PPP2R5C: variants seen among roughly 807,000 people sequenced by gnomAD.
The protein encoded by PPP2R5C is serine/threonine-protein phosphatase 2A 56 kDa regulatory subunit gamma isoform.
Under a neutral mutation model 68.9 loss-of-function variants are expected in PPP2R5C, and 7 were observed. The ratio of observed to expected loss-of-function variants is 0.10; its 90% CI spans 0.06 to 0.19. The LOEUF (loss-of-function observed/expected upper bound fraction) is 0.19, where lower values mean the gene tolerates loss of function less well. PPP2R5C is among the 10% of genes least tolerant of loss of function. The pLI, the probability that PPP2R5C is intolerant of heterozygous loss-of-function variation, is 1.00. For synonymous variants in PPP2R5C, 210 were observed against 222.2 expected, an observed-to-expected ratio of 0.95 and a Z score of 0.49; for missense variants, 348 against 641.3, an observed-to-expected ratio of 0.54 and a Z score of 4.94.
At chr14:101,901,078 A>G (rs1266871048) in intron 8 of PPP2R5C, among the ~76,000 whole-genome samples, 1 of 152,246 alleles carries the variant, frequency 6.6e-6, no homozygotes, top group Non-Finnish European at 1.5e-5. Context: ...CTATGCATAC[A>G]GAAGTATGTG....
chr14:101,874,749 TTTTAA>T (rs1344668129), intron 2 of PPP2R5C, among the ~76,000 whole-genome samples: 1 of 152,194 alleles, frequency 6.6e-6, no homozygotes, highest in African/African-American at 2.4e-5. Flanking sequence ...TTTGTTTTTT[TTTTAA>T]TTTGAGACAG....
At chr14:101,858,735 T>TC (rs937596040) in intron 2 of PPP2R5C, among the ~76,000 whole-genome samples, 1 of 152,188 alleles carries the variant, frequency 6.6e-6, no homozygotes. Context: ...TGGAAGATTT[T>TC]CCTATGTTTA....
intron 2 of PPP2R5C, among the ~76,000 whole-genome samples, chr14:101,859,353 C>T (rs184941594): frequency 4.6e-5 from 7 of 152,204 alleles, no homozygotes; most frequent in African/African-American, 9.6e-5. Flanking sequence ...CCCACGTGGG[C>T]GGGAAGAAGG....
chr14:101,838,365 C>T (rs2041250859), intron 1 of PPP2R5C, among the ~76,000 whole-genome samples: 2 of 152,170 alleles, frequency 1.3e-5, no homozygotes. Flanking sequence ...AATTCACTTT[C>T]CATTCCTGAT....
chr14:101,860,556 A>G (rs1003715959), intron 2 of PPP2R5C, among the ~76,000 whole-genome samples: 3 of 152,178 alleles, frequency 2.0e-5, no homozygotes, highest in Non-Finnish European at 4.4e-5. Context: ...TATACCTAGG[A>G]GTAGAGTCGC....
intron 2 of PPP2R5C, among the ~76,000 whole-genome samples, chr14:101,869,587 G>A (rs545312754): frequency 1.2e-3 from 181 of 152,222 alleles, no homozygotes; most frequent in Admixed American, 1.6e-3. Context: ...TCAATATTTG[G>A]TGTCATCAGT....
chr14:101,810,340 A>G (rs755158306), intron 1 of PPP2R5C: 151 of 283,528 alleles, frequency 5.3e-4, no homozygotes, highest in Non-Finnish European at 8.3e-4. Context: ...GTCACTGCCC[A>G]GGGAAGGTAT....
chr14:101,804,686 A>G (rs1302515406), intron 3 of PPP2R5C, among the ~76,000 whole-genome samples: 1 of 152,120 alleles, frequency 6.6e-6, no homozygotes, highest in East Asian at 1.9e-4. Context: ...ACTCATGGAC[A>G]TAGAGAGTAG....
intron 10 of PPP2R5C, among the ~76,000 whole-genome samples, chr14:101,908,506 T>G (rs2046192060): frequency 6.6e-6 from 1 of 152,076 alleles, no homozygotes; most frequent in Non-Finnish European, 1.5e-5. Flanking sequence ...CCCAAGTAGC[T>G]GGGACTACAG....
At chr14:101,896,505 G>A (rs1339899654) in intron 8 of PPP2R5C, among the ~76,000 whole-genome samples, 1 of 151,648 alleles carries the variant, frequency 6.6e-6, no homozygotes, top group Non-Finnish European at 1.5e-5. Flanking sequence ...AGGCTGAGGC[G>A]GGTGAATCAC....
At chr14:101,815,148 C>T (rs1595237456) in intron 1 of PPP2R5C, among the ~76,000 whole-genome samples, 1 of 152,124 alleles carries the variant, frequency 6.6e-6, no homozygotes, top group East Asian at 1.9e-4. Flanking sequence ...CACTACCGCC[C>T]CTGCCTTTTT....
intron 10 of PPP2R5C, among the ~76,000 whole-genome samples, chr14:101,908,699 G>A (rs1054343242): frequency 1.3e-5 from 2 of 150,984 alleles, no homozygotes; most frequent in African/African-American, 2.4e-5. Context: ...TTTTTTAATC[G>A]CAACAATGAC....
chr14:101,853,802 C>T (rs949929073), intron 1 of PPP2R5C, among the ~76,000 whole-genome samples: 1 of 151,968 alleles, frequency 6.6e-6, no homozygotes, highest in Non-Finnish European at 1.5e-5. Context: ...GAGGATTTGG[C>T]GAGGACATGT....
chr14:101,783,837 C>G (rs879447250), intron 2 of PPP2R5C, among the ~76,000 whole-genome samples: 4 of 152,220 alleles, frequency 2.6e-5, no homozygotes, highest in African/African-American at 9.6e-5. Flanking sequence ...GGAACACGCA[C>G]GTATGTGACT....
intron 1 of PPP2R5C, among the ~76,000 whole-genome samples, chr14:101,828,374 G>A (rs2040529217): frequency 6.6e-6 from 1 of 152,142 alleles, no homozygotes; most frequent in East Asian, 1.9e-4. Context: ...TGTACTTGAA[G>A]TGGTTCATTG....
At chr14:101,827,729 G>A (rs1161797964) in intron 1 of PPP2R5C, among the ~76,000 whole-genome samples, 2 of 152,140 alleles carry the variant, frequency 1.3e-5, no homozygotes, top group Non-Finnish European at 2.9e-5. Context: ...CATAAGTGCA[G>A]GCTCAGGTGT....
chr14:101,866,391 C>T (rs374770303), intron 2 of PPP2R5C, among the ~76,000 whole-genome samples: 8 of 152,332 alleles, frequency 5.3e-5, no homozygotes, highest in African/African-American at 1.4e-4. Context: ...CTACAGAGTA[C>T]GGTGACCCAG....
chr14:101,921,893 T>C, intron 13 of PPP2R5C: 1 of 769,570 alleles, frequency 1.3e-6, no homozygotes, highest in Non-Finnish European at 1.6e-6. Context: ...TATAACCCTA[T>C]ACAGAACATT....
intron 2 of PPP2R5C, among the ~76,000 whole-genome samples, chr14:101,878,894 G>T (rs924794884): frequency 6.6e-6 from 1 of 152,208 alleles, no homozygotes; most frequent in African/African-American, 2.4e-5. Context: ...TGACACATAC[G>T]GCCAGCTGGC....
Sources: gnomAD v4.1 joint callset for allele counts (sites outside exome capture counted in the v4.1 genomes callset) on GRCh38, gnomAD v4.1.1 for gene constraint, MANE v1.5 for transcripts, NCBI Gene and HGNC (gene_info 2026-07-23, HGNC 2026-07-21) for gene names.